The following ATOSA variants were observed in gnomAD, a reference collection of about 807,000 sequenced individuals.
ATOSA encodes atos homolog A, also known as atos homolog protein A.
the ATOSA span, chr15:52,678,165 A>G: frequency 1.0e-6 from 1 of 973,978 alleles, no homozygotes; most frequent in Non-Finnish European, 1.6e-6. Flanking sequence ...CTATTCTAAT[A>G]CCCGGACCTT....
chr15:52,701,966 C>CA, the ATOSA span, among the ~76,000 whole-genome samples: 1 of 151,698 alleles, frequency 6.6e-6, no homozygotes, highest in Non-Finnish European at 1.5e-5. Flanking sequence ...AAAGAGAAGA[C>CA]AAAAAATCTT....
chr15:52,641,054 G>T, the ATOSA span, among the ~76,000 whole-genome samples: 2 of 152,166 alleles, frequency 1.3e-5, no homozygotes, highest in South Asian at 2.1e-4. Context: ...CTTGGAGAAT[G>T]AAACCATTTA....
At chr15:52,658,801 C>CAAAAAAAAAAA in the ATOSA span, 55 of 263,572 alleles carry the variant, frequency 2.1e-4, no homozygotes, top group Middle Eastern at 9.1e-4. Flanking sequence ...CTCGTTTCTA[C>CAAAAAAAAAAA]AAAAAAAAAA....
the ATOSA span, chr15:52,600,168 C>G: frequency 9.9e-6 from 16 of 1,610,908 alleles, no homozygotes; most frequent in African/African-American, 1.6e-4. Context: ...ATAGGTGGAG[C>G]ACTAGAACTC....
the ATOSA span, among the ~76,000 whole-genome samples, chr15:52,668,061 T>A: frequency 2.6e-5 from 4 of 152,224 alleles, no homozygotes; most frequent in Admixed American, 1.3e-4. Flanking sequence ...CTACTGGGCA[T>A]ATATACCCAA....
the ATOSA span, among the ~76,000 whole-genome samples, chr15:52,642,109 A>C: frequency 3.3e-5 from 5 of 152,202 alleles, no homozygotes; most frequent in Admixed American, 3.3e-4. Flanking sequence ...TTAGAAGATA[A>C]ATTTGCCAAT....
the ATOSA span, among the ~76,000 whole-genome samples, chr15:52,672,218 G>A: frequency 1.7e-4 from 24 of 141,508 alleles, no homozygotes; most frequent in African/African-American, 4.2e-4. Context: ...GCATAGTGGC[G>A]TGCACCTGTA....
the ATOSA span, chr15:52,586,896 G>C: frequency 2.2e-6 from 1 of 446,530 alleles, no homozygotes; most frequent in Non-Finnish European, 3.6e-6. Flanking sequence ...ATGTATTGAA[G>C]AGTCCTATTG....
the ATOSA span, among the ~76,000 whole-genome samples, chr15:52,589,507 A>G: frequency 2.6e-5 from 4 of 151,940 alleles, no homozygotes; most frequent in African/African-American, 9.7e-5. Flanking sequence ...TTCAATTCCA[A>G]TAGTTTTTAG....
chr15:52,680,099 CAGG>C, the ATOSA span, among the ~76,000 whole-genome samples: 1 of 151,642 alleles, frequency 6.6e-6, no homozygotes, highest in Non-Finnish European at 1.5e-5. Context: ...GACTCATGGG[CAGG>C]AGGACACTTT....
the ATOSA span, among the ~76,000 whole-genome samples, chr15:52,588,080 C>G: frequency 1.3e-5 from 2 of 152,260 alleles, no homozygotes; most frequent in Admixed American, 1.3e-4. Flanking sequence ...CAGGAGTCCT[C>G]CAGTTAGTTT....
At chr15:52,609,562 G>A in the ATOSA span, 7 of 1,613,554 alleles carry the variant, frequency 4.3e-6, no homozygotes, top group East Asian at 1.1e-4. Context: ...ACTTCGAGGA[G>A]TTTCTGGTTT....
the ATOSA span, among the ~76,000 whole-genome samples, chr15:52,629,219 T>C: frequency 1.3e-5 from 2 of 152,174 alleles, no homozygotes; most frequent in African/African-American, 2.4e-5. Flanking sequence ...AGAGCAGTTT[T>C]AAGTTTACAG....
chr15:52,660,583 G>A, the ATOSA span, among the ~76,000 whole-genome samples: 6 of 152,176 alleles, frequency 3.9e-5, no homozygotes, highest in African/African-American at 1.4e-4. Context: ...CTTACGCACT[G>A]AAGAAATGCT....
At chr15:52,684,438 G>A in the ATOSA span, among the ~76,000 whole-genome samples, 1 of 152,178 alleles carries the variant, frequency 6.6e-6, no homozygotes, top group Non-Finnish European at 1.5e-5. Context: ...TTAGGAGGCT[G>A]AAGCAGGAGG....
chr15:52,631,753 A>G, the ATOSA span, among the ~76,000 whole-genome samples: 190 of 152,324 alleles, frequency 1.2e-3, no homozygotes, highest in African/African-American at 4.4e-3. Flanking sequence ...CTAAAACACA[A>G]TGCTAACCCA....
chr15:52,624,968 G>A, the ATOSA span, among the ~76,000 whole-genome samples: 1 of 151,830 alleles, frequency 6.6e-6, no homozygotes, highest in Non-Finnish European at 1.5e-5. Flanking sequence ...TAGTAGAGAT[G>A]GGGTTTTACC....
chr15:52,692,891 T>C, the ATOSA span, among the ~76,000 whole-genome samples: 1 of 151,758 alleles, frequency 6.6e-6, no homozygotes, highest in Admixed American at 6.6e-5. Flanking sequence ...CCTGAAGTGA[T>C]CCTTATGCCT....
At chr15:52,647,030 A>G in the ATOSA span, among the ~76,000 whole-genome samples, 1 of 152,212 alleles carries the variant, frequency 6.6e-6, no homozygotes, top group African/African-American at 2.4e-5. Context: ...TAGGATACCT[A>G]TTTTTAAAAG....
Sources: allele counts gnomAD v4.1 joint callset (sites outside exome capture counted in the v4.1 genomes callset), GRCh38; gene constraint gnomAD v4.1.1; transcripts MANE v1.5; gene names NCBI Gene and HGNC (gene_info 2026-07-23, HGNC 2026-07-21).